The following GSG1L variants were observed in gnomAD, a reference collection of about 807,000 sequenced individuals.
GSG1L encodes the protein GSG1 like.
Under a neutral mutation model 42.1 loss-of-function variants are expected in GSG1L, and 24 were observed. The observed-to-expected ratio is 0.57, with a 90% confidence interval of 0.41 to 0.80. The LOEUF (loss-of-function observed/expected upper bound fraction) is 0.80, where lower values mean the gene tolerates loss of function less well. Ranked by LOEUF, GSG1L falls within the 30% of genes least tolerant of loss-of-function variation. The pLI is 0.00. For synonymous variants in GSG1L, 215 were observed against 203.5 expected (o/e 1.06, Z -0.48); for missense variants, 445 against 472.2 (o/e 0.94, Z 0.53).
At chr16:28,026,258 T>C (rs749746663) in intron 1 of GSG1L, among the ~76,000 whole-genome samples, 9 of 152,126 alleles carry the variant, frequency 5.9e-5, no homozygotes, top group Non-Finnish European at 1.2e-4. Flanking sequence ...GCTCAGTCAC[T>C]GTGTGTGACT....
At chr16:28,039,672 C>T (rs145612812) in intron 1 of GSG1L, among the ~76,000 whole-genome samples, 73 of 151,792 alleles carry the variant, frequency 4.8e-4, no homozygotes, top group African/African-American at 1.7e-3. Context: ...CATGCACACA[C>T]GTATGCACAC....
In GSG1L at chr16:28,032,101, C is replaced by T. The variant is rs181599210; in HGVS notation, c.349+30975G>A. Among the ~76,000 whole-genome samples the T allele has an allele frequency of 3.6e-4, 55 of 152,348 alleles. 1 individual carries two copies. The highest frequency in any genetic ancestry group is 3.2e-3 in the Admixed American group (49 of 15,306). ...AGGAGACACGGAAGAGAAGAGACAG[C>T]TCCGGCTCTTTTACTGGAAGGTTCC... On this transcript the variant is annotated intron_variant, in intron 1 of 6. Transcript: ENST00000447459.
chr16:27,817,582 A>T (rs1052022979), intron 5 of GSG1L, among the ~76,000 whole-genome samples: 1 of 152,028 alleles, frequency 6.6e-6, no homozygotes, highest in Non-Finnish European at 1.5e-5. Flanking sequence ...CCTCCAATTC[A>T]TGGGCTCAAG....
chr16:27,969,657 T>C (rs2085171259), intron 1 of GSG1L, among the ~76,000 whole-genome samples: 2 of 152,236 alleles, frequency 1.3e-5, no homozygotes, highest in Non-Finnish European at 2.9e-5. Flanking sequence ...ACATTTTGGT[T>C]ATTTATGAAC....
intron 2 of GSG1L, among the ~76,000 whole-genome samples, chr16:27,890,712 C>G (rs191240045): frequency 6.9e-4 from 105 of 152,302 alleles, no homozygotes; most frequent in African/African-American, 2.3e-3. Context: ...CATGCAGAGC[C>G]TACATGAGCC....
At chr16:28,056,063 C>T (rs1224301779) in intron 1 of GSG1L, among the ~76,000 whole-genome samples, 3 of 152,134 alleles carry the variant, frequency 2.0e-5, no homozygotes, top group Non-Finnish European at 2.9e-5. Flanking sequence ...CCCGGCCTCT[C>T]GCTGCCCACA....
At chr16:27,930,474 G>A (rs1375604090) in intron 2 of GSG1L, among the ~76,000 whole-genome samples, 1 of 152,212 alleles carries the variant, frequency 6.6e-6, no homozygotes, top group African/African-American at 2.4e-5. Context: ...CCACTGGGAT[G>A]TAAGCTCCAG....
intron 2 of GSG1L, chr16:27,888,162 C>T: frequency 1.0e-6 from 1 of 984,582 alleles, no homozygotes; most frequent in Non-Finnish European, 1.2e-6. Context: ...GCTGCCTCCC[C>T]CACGCAGCCC....
At chr16:28,007,600 T>A (rs889681348) in intron 1 of GSG1L, among the ~76,000 whole-genome samples, 4 of 151,710 alleles carry the variant, frequency 2.6e-5, no homozygotes, top group Non-Finnish European at 5.9e-5. Flanking sequence ...GCCACCTCAA[T>A]CCCCCAGGCT....
chr16:27,985,122 C>T (rs549374864), intron 1 of GSG1L, among the ~76,000 whole-genome samples: 1 of 152,168 alleles, frequency 6.6e-6, no homozygotes, highest in Non-Finnish European at 1.5e-5. Context: ...CTGCCTTTTG[C>T]TATCTTTGAA....
intron 3 of GSG1L, among the ~76,000 whole-genome samples, chr16:27,851,733 G>C (rs907633179): frequency 2.0e-5 from 3 of 152,262 alleles, no homozygotes; most frequent in Non-Finnish European, 4.4e-5. Context: ...CAGGGCAGCT[G>C]TGGGATTCAG....
rs2084067870 is a variant in GSG1L at position 27,888,475 on chromosome 16, TCTCTTTCCTTTCTTTCTTTCTTTC to T, written c.398-3861_398-3838del. On this transcript the variant is annotated intron_variant, in intron 2 of 6. Coordinates refer to ENST00000447459, the MANE Select transcript of GSG1L (RefSeq NM_001109763.2). ...TTCTTTCTTTCTTTCTCTCTCTCTC[TCTCTTTCCTTTCTTTCTTTCTTTC>T]TTTCTTTCTTTCTTTCTTTCTTTCT... Among the ~76,000 whole-genome samples, 56 of 73,384 alleles carry T rather than the reference TCTCTTTCCTTTCTTTCTTTCTTTC, an allele frequency of 7.6e-4. 6 individuals carry two copies. The highest frequency in any genetic ancestry group is 6.6e-3 in the Middle Eastern group (1 of 152). 48.1% of individuals were successfully genotyped at this position (73,384 alleles called of 152,430 possible).
At chr16:27,869,560 CTCCTCTCTG>C in intron 3 of GSG1L, among the ~76,000 whole-genome samples, 4 of 139,520 alleles carry the variant, frequency 2.9e-5, no homozygotes, top group African/African-American at 5.6e-5. Context: ...TCATCTCTCT[CTCCTCTCTG>C]TCTCCCTCAC....
At chr16:27,990,145 G>A (rs995709590) in intron 1 of GSG1L, among the ~76,000 whole-genome samples, 1 of 152,082 alleles carries the variant, frequency 6.6e-6, no homozygotes, top group Non-Finnish European at 1.5e-5. Flanking sequence ...AATAATAAAG[G>A]ACTGAAATCA....
rs1354568218 is a variant in GSG1L at position 27,811,521 on chromosome 16, A to T, written c.831-3967T>A. Among the ~76,000 whole-genome samples, 9 of 152,196 alleles carry T rather than the reference A, an allele frequency of 5.9e-5. No homozygotes were observed. In the East Asian group the frequency reaches 1.3e-3, roughly 23 times the overall value. On this transcript the variant is annotated intron_variant, in intron 5 of 6. Transcript: ENST00000447459. ...GAACACCACCTCCCTGGCCACATCC[A>T]GCACCTCTAGGTCAACAGAGGCCTG...
At chr16:28,022,840 G>T (rs946273432) in intron 1 of GSG1L, among the ~76,000 whole-genome samples, 1 of 151,868 alleles carries the variant, frequency 6.6e-6, no homozygotes, top group South Asian at 2.1e-4. Context: ...GCTAATTTTT[G>T]TATGTTTTTT....
At chr16:27,925,781 G>A (rs1368381336) in intron 2 of GSG1L, among the ~76,000 whole-genome samples, 1 of 152,124 alleles carries the variant, frequency 6.6e-6, no homozygotes, top group Non-Finnish European at 1.5e-5. Context: ...GGTGAAAGAT[G>A]GCATCATTAA....
chr16:27,895,942 T>A (rs1219367797), intron 2 of GSG1L, among the ~76,000 whole-genome samples: 1 of 152,194 alleles, frequency 6.6e-6, no homozygotes, highest in South Asian at 2.1e-4. Flanking sequence ...GTTTTCTGCA[T>A]AACCATCTTG....
At chr16:27,947,588 A>AGAAAGAAAGAAT (rs2084898108) in intron 2 of GSG1L, among the ~76,000 whole-genome samples, 2 of 104,082 alleles carry the variant, frequency 1.9e-5, no homozygotes, top group Admixed American at 8.5e-5. Context: ...AAAGAAAGAA[A>AGAAAGAAAGAAT]GAAAGAAAGA....
Sources: allele counts gnomAD v4.1 joint callset (sites outside exome capture counted in the v4.1 genomes callset), GRCh38; gene constraint gnomAD v4.1.1; transcripts MANE v1.5; gene names NCBI Gene and HGNC (gene_info 2026-07-23, HGNC 2026-07-21).